RUBCNL: variants seen among roughly 807,000 people sequenced by gnomAD.
RUBCNL encodes the protein protein associated with UVRAG as autophagy enhancer.
RUBCNL carries 62 observed loss-of-function variants against 69.5 expected under a neutral mutation model. That is an observed-to-expected ratio of 0.89 (90% CI 0.73 to 1.10). RUBCNL has a LOEUF of 1.10. Among genes scored for constraint, RUBCNL ranks in the 50% least tolerant of loss-of-function variants. The pLI is 0.00. For synonymous variants in RUBCNL, 291 were observed against 303.6 expected (o/e 0.96, Z 0.43); for missense variants, 768 against 798.1 (o/e 0.96, Z 0.45).
chr13:46,362,923 CATATATATATATATAG>C lies in RUBCNL; in HGVS notation c.925+176_925+191del, dbSNP rs1555253785. Among the ~76,000 whole-genome samples, 166 of 88,030 alleles carry C rather than the reference CATATATATATATATAG, an allele frequency of 1.9e-3. 11 individuals carry two copies. Among genetic ancestry groups the C allele is most frequent in the African/African-American group, 5.3e-3 (113 of 21,218 alleles). 57.8% of individuals were successfully genotyped at this position (88,030 alleles called of 152,430 possible). A position where few individuals can be genotyped will look rare whatever the true frequency, so the allele number is the denominator to read the frequency against. ...ATCCAGACATTTGAAACAAGAACATCATATATATATATATAGATATATATATATATATATATATATA... is the reference window on the plus strand; with the variant it reads ...ATCCAGACATTTGAAACAAGAACATCATATATATATATATATATATATATA... On this transcript the variant is annotated intron_variant, in intron 6 of 14. Transcript: ENST00000429979.
intron 8 of RUBCNL, among the ~76,000 whole-genome samples, chr13:46,360,775 T>C (rs772103337): frequency 1.1e-4 from 16 of 152,250 alleles, no homozygotes; most frequent in Non-Finnish European, 1.8e-4. Context: ...GTGAGCAGTG[T>C]GTTCCATGAG....
chr13:46,344,974 T>C lies in RUBCNL; in HGVS notation c.1786-143A>G, dbSNP rs556173190. 5 of 622,716 alleles carry C rather than the reference T, an allele frequency of 8.0e-6. No individual in the cohort carries two copies. The Admixed American group carries it at 1.5e-4, about 18-fold the overall frequency. The allele number at this position is 622,716 out of a possible 1,614,324, so 38.6% of individuals were successfully genotyped here. A position where few individuals can be genotyped will look rare whatever the true frequency, so the allele number is the denominator to read the frequency against. ...GGAAAAGGATGTTGTTTTGCAGCAATGAATGGGTCAGAATCAAAAAAAAGA... is the reference window on the plus strand; with the variant it reads ...GGAAAAGGATGTTGTTTTGCAGCAACGAATGGGTCAGAATCAAAAAAAAGA... On this transcript the variant is annotated intron_variant, in intron 13 of 14. Transcript: ENST00000429979.
intron 13 of RUBCNL, 118 bp downstream of exon 13, chr13:46,345,329 C>T: frequency 8.0e-7 from 1 of 1,250,520 alleles, no homozygotes; most frequent in Non-Finnish European, 1.1e-6. Flanking sequence ...TTTCTCATCT[C>T]TAACTAGGTC....
intron 1 of RUBCNL, among the ~76,000 whole-genome samples, chr13:46,382,002 TGTTGCTCAG>T (rs1257428417): frequency 2.6e-5 from 4 of 152,184 alleles, no homozygotes; most frequent in Non-Finnish European, 5.9e-5. Context: ...GACCTCACTA[TGTTGCTCAG>T]GTTGGTCTCA....
Position 46,338,323 on chromosome 13 carries a change from G to C in RUBCNL, c.*5062C>G, listed in dbSNP as rs2048117424. Among the ~76,000 whole-genome samples the C allele has an allele frequency of 6.6e-6, 1 of 152,080 alleles. No homozygotes were observed. The highest frequency in any genetic ancestry group is 6.6e-5 in the Admixed American group (1 of 15,264). ...CTCTGCTCTGGAGCATGGTGGCTCA[G>C]GTATAGCTAGCATTGGGCCAACCCC... On this transcript the variant is annotated 3_prime_UTR_variant, in exon 15 of 15. Coordinates refer to ENST00000429979, the MANE Select transcript of RUBCNL (RefSeq NM_025113.5).
At position 46,377,977 on chromosome 13, in the gene RUBCNL, GA is replaced by G. The variant is rs751728831; in HGVS notation, c.-211del. The G allele has an allele frequency of 1.9e-6, 3 of 1,587,826 alleles. No individual in the cohort carries two copies. The East Asian group carries it at 6.8e-5, about 36-fold the overall frequency. ...ATCAAAGTCCATGCAGTAGTGACAGGAGGTCAATATCCCCATTTTTTATTTT... is the reference window on the plus strand; with the variant it reads ...ATCAAAGTCCATGCAGTAGTGACAGGGGTCAATATCCCCATTTTTTATTTT... On this transcript the variant is annotated 5_prime_UTR_variant, in exon 2 of 15. An upstream open reading frame in the 5' UTR loses its in-frame stop. Coordinates refer to ENST00000429979, the MANE Select transcript of RUBCNL (RefSeq NM_025113.5).
At chr13:46,366,630 C>G (rs1228406699) in intron 5 of RUBCNL, among the ~76,000 whole-genome samples, 1 of 152,106 alleles carries the variant, frequency 6.6e-6, no homozygotes, top group African/African-American at 2.4e-5. Flanking sequence ...ATGCTATACA[C>G]CATATGGAGT....
At position 46,368,200 on chromosome 13, in the gene RUBCNL, T is replaced by C; in HGVS notation, c.668A>G (p.Lys223Arg). 1 of 1,613,988 alleles carries C rather than the reference T, an allele frequency of 6.2e-7. No homozygotes were observed. The highest frequency in any genetic ancestry group is 1.1e-5 in the South Asian group (1 of 91,088). The change falls in exon 5 of 15, where the codon AAA becomes AGA. Residue 223 changes from lysine (K) to arginine (R), a missense_variant. Physicochemically the swap from Lys to Arg is conservative, Grantham distance 26. Transcript: ENST00000429979. ...VADMIISAME[K>R]MKCNILSQQQ... ...TTGACTCAGAATGTTACACTTCATT[T>C]TCTCCATTGCTGATATAATCATATC...
intron 10 of RUBCNL, chr13:46,354,734 G>A (rs765691550): frequency 6.1e-4 from 278 of 455,908 alleles, no homozygotes; most frequent in Non-Finnish European, 9.2e-4. Context: ...CTTTTGTTAC[G>A]TACATCACTT....
rs771945517 is a variant in RUBCNL at position 46,368,222 on chromosome 13, T to C, written c.646A>G (p.Met216Val). The C allele has an allele frequency of 1.8e-5, 29 of 1,613,818 alleles. No homozygotes were observed. Among genetic ancestry groups the C allele is most frequent in the Non-Finnish European group, 2.4e-5 (28 of 1,179,830 alleles). ...ATTTTCTCCATTGCTGATATAATCATATCTGCAACATAAAAGTGGGCATTT... is the reference window on the plus strand; with the variant it reads ...ATTTTCTCCATTGCTGATATAATCACATCTGCAACATAAAAGTGGGCATTT... ...KENAHFYVADMIISAMEKMKC... is the reference protein window; with the variant it reads ...KENAHFYVADVIISAMEKMKC... Residue 216 changes from methionine (M) to valine (V), a missense_variant, in exon 5 of 15, where the codon ATG becomes GTG. Coordinates refer to ENST00000429979, the MANE Select transcript of RUBCNL (RefSeq NM_025113.5).
chr13:46,363,045 A>T (rs758602996), intron 6 of RUBCNL, 70 bp downstream of exon 6: 23 of 769,714 alleles, frequency 3.0e-5, no homozygotes, highest in Admixed American at 5.0e-5. Flanking sequence ...TGTGTGATGC[A>T]TGTTAGTGTG....
In RUBCNL at chr13:46,339,354, C is replaced by T. The variant is rs675158; in HGVS notation, c.*4031G>A. 0.31 allele frequency among the ~76,000 whole-genome samples: 47,070 copies of T among 152,032 alleles called. 7,481 individuals are homozygous for T. Among genetic ancestry groups the T allele is most frequent in the Middle Eastern group, 0.35 (103 of 294 alleles). ...CTTAAATGCTTGTTTTAAGGAAGCACGCTTCTAAAAATGACACACTTCACC... is the reference window on the plus strand; with the variant it reads ...CTTAAATGCTTGTTTTAAGGAAGCATGCTTCTAAAAATGACACACTTCACC... On this transcript the variant is annotated 3_prime_UTR_variant, in exon 15 of 15. Coordinates refer to ENST00000429979, the MANE Select transcript of RUBCNL (RefSeq NM_025113.5).
intron 7 of RUBCNL, 81 bp from the exon 8 acceptor site, chr13:46,361,654 T>C (rs1040901157): frequency 2.0e-5 from 29 of 1,438,920 alleles, no homozygotes; most frequent in Admixed American, 4.1e-5. Flanking sequence ...TTTCAACTGT[T>C]CTTCCCAGCC....
intron 9 of RUBCNL, among the ~76,000 whole-genome samples, chr13:46,357,419 C>T (rs185947438): frequency 3.3e-4 from 50 of 151,300 alleles, no homozygotes; most frequent in African/African-American, 9.7e-4. Context: ...AGGGAGGTCT[C>T]GATGCCCGTG....
intron 1 of RUBCNL, among the ~76,000 whole-genome samples, chr13:46,380,984 A>G (rs1232193075): frequency 6.6e-6 from 1 of 152,226 alleles, no homozygotes; most frequent in Non-Finnish European, 1.5e-5. Context: ...AGGCAGCTGC[A>G]CTTGAAAAAT....
chr13:46,372,045 C>G lies in RUBCNL; in HGVS notation c.431G>C (p.Arg144Pro). The change falls in exon 3 of 15, where the codon CGG becomes CCG. Residue 144 changes from arginine to proline, a missense_variant. Physicochemically the swap from Arg to Pro is moderately radical, Grantham distance 103 (BLOSUM62 -2). Transcript: ENST00000429979. ...VHMVRPGYSH[R>P]VSLPTSPGIL... ...CCCAGGGCTTGTGGGCAGAGACACC[C>G]GATGAGAGTATCCTGGGCGGACCAT... 1 of 1,613,954 alleles carries G rather than the reference C, an allele frequency of 6.2e-7. No homozygotes were observed. Among genetic ancestry groups the G allele is most frequent in the Non-Finnish European group, 8.5e-7 (1 of 1,179,884 alleles).
In RUBCNL at chr13:46,372,496, T is replaced by C; in HGVS notation, c.-21A>G. 1 of 1,572,084 alleles carries C rather than the reference T, an allele frequency of 6.4e-7. No homozygotes were observed. The highest frequency in any genetic ancestry group is 8.6e-7 in the Non-Finnish European group (1 of 1,159,104). On this transcript the variant is annotated 5_prime_UTR_variant, in exon 3 of 15. Coordinates refer to ENST00000429979, the MANE Select transcript of RUBCNL (RefSeq NM_025113.5). ...ACCATCTTTCCAGGCTTGTGGCTGG[T>C]GTGAATCCATTCAAAACAGATAGGA...
intron 10 of RUBCNL, among the ~76,000 whole-genome samples, chr13:46,352,550 A>AGCTGCGG (rs1184724344): frequency 1.5e-3 from 232 of 151,580 alleles, no homozygotes; most frequent in African/African-American, 5.4e-3. Context: ...CACACCTGTA[A>AGCTGCGG]TCGCAGCACT....
At chr13:46,358,474 G>C (rs919639591) in intron 9 of RUBCNL, among the ~76,000 whole-genome samples, 1 of 151,830 alleles carries the variant, frequency 6.6e-6, no homozygotes, top group Admixed American at 6.5e-5. Flanking sequence ...TTCCTTTTTT[G>C]CATAATCTTA....
Sources: allele counts gnomAD v4.1 joint callset (sites outside exome capture counted in the v4.1 genomes callset), GRCh38; gene constraint gnomAD v4.1.1; transcripts MANE v1.5; gene names NCBI Gene and HGNC (gene_info 2026-07-23, HGNC 2026-07-21).